VWA8: variants seen among roughly 807,000 people sequenced by gnomAD.
VWA8 encodes the protein von Willebrand factor A domain containing 8.
VWA8 carries 221 observed loss-of-function variants against 241.5 expected under a neutral mutation model. That is an observed-to-expected ratio of 0.91 (90% CI 0.82 to 1.02). The LOEUF (loss-of-function observed/expected upper bound fraction) is 1.02. Among genes scored for constraint, VWA8 ranks in the 50% least tolerant of loss-of-function variants. VWA8 has a pLI of 0.00. For synonymous variants in VWA8, 852 were observed against 827.1 expected (o/e 1.03, Z -0.52); for missense variants, 2,322 against 2,328.7 (o/e 1.00, Z 0.06).
intron 3 of VWA8, among the ~76,000 whole-genome samples, chr13:41,909,221 G>C (rs1875877543): frequency 1.3e-5 from 2 of 152,204 alleles, no homozygotes; most frequent in Admixed American, 1.3e-4. Context: ...ACCATGCCTG[G>C]CTAATGTTTG....
intron 37 of VWA8, among the ~76,000 whole-genome samples, chr13:41,662,283 C>T (rs1325660941): frequency 1.3e-5 from 2 of 152,108 alleles, no homozygotes; most frequent in East Asian, 1.9e-4. Flanking sequence ...CAGTATATCT[C>T]TCCATTTATT....
At chr13:41,880,276 T>TG (rs1452386769) in intron 9 of VWA8, among the ~76,000 whole-genome samples, 2 of 152,154 alleles carry the variant, frequency 1.3e-5, no homozygotes, top group African/African-American at 4.8e-5. Context: ...TTTTAGCACA[T>TG]TTCCCCCTCC....
intron 21 of VWA8, among the ~76,000 whole-genome samples, chr13:41,739,860 T>G (rs1469201086): frequency 9.2e-6 from 1 of 109,048 alleles, no homozygotes; most frequent in Admixed American, 9.6e-5. Flanking sequence ...TTTTTTTGTT[T>G]TTTTTTTTTT....
chr13:41,816,721 G>A lies in VWA8; in HGVS notation c.1924C>T (p.Leu642Phe), dbSNP rs759229890. The A allele has an allele frequency of 1.9e-6, 3 of 1,613,708 alleles. No individual in the cohort carries two copies. The highest frequency in any genetic ancestry group is 2.5e-6 in the Non-Finnish European group (3 of 1,179,796). The change falls in exon 16 of 45, where the codon CTC (leucine) becomes TTC (phenylalanine). Residue 642 changes from leucine (L) to phenylalanine (F), a missense_variant. By Grantham distance (22) the Leu-to-Phe change is conservative. Coordinates refer to ENST00000379310, the MANE Select transcript of VWA8 (RefSeq NM_015058.2). ...LDKLLSFTHK[L>F]RETQDPTAQS... ...ACCGTTGGATCCTGTGTTTCTCTGAGTTTGTGTGTAAATGATAATAACTTA... is the reference window on the plus strand; with the variant it reads ...ACCGTTGGATCCTGTGTTTCTCTGAATTTGTGTGTAAATGATAATAACTTA...
intron 37 of VWA8, among the ~76,000 whole-genome samples, chr13:41,616,552 G>A (rs556770582): frequency 3.3e-5 from 5 of 151,464 alleles, no homozygotes; most frequent in African/African-American, 9.7e-5. Context: ...TTTTCAACTC[G>A]TTTATAAATA....
At chr13:41,922,717 A>G (rs1194488837) in intron 2 of VWA8, among the ~76,000 whole-genome samples, 4 of 152,216 alleles carry the variant, frequency 2.6e-5, no homozygotes, top group East Asian at 1.9e-4. Flanking sequence ...GAGAAATGCA[A>G]AGCAAAACCA....
At chr13:41,648,535 T>C (rs2044847795) in intron 37 of VWA8, among the ~76,000 whole-genome samples, 1 of 152,222 alleles carries the variant, frequency 6.6e-6, no homozygotes, top group African/African-American at 2.4e-5. Context: ...AACTGTGAAC[T>C]TTCCCGAATG....
chr13:41,811,931 A>G (rs1454584203), intron 16 of VWA8, among the ~76,000 whole-genome samples: 1 of 152,170 alleles, frequency 6.6e-6, no homozygotes, highest in Non-Finnish European at 1.5e-5. Flanking sequence ...AACTCAGGAC[A>G]TGGTCAGTAC....
chr13:41,755,040 T>C (rs1041753565), intron 21 of VWA8, among the ~76,000 whole-genome samples: 3 of 152,120 alleles, frequency 2.0e-5, no homozygotes, highest in Admixed American at 6.6e-5. Context: ...CTTCCAAATC[T>C]TGGCTATTGT....
intron 1 of VWA8, 133 bp from the exon 2 acceptor site, chr13:41,950,146 G>T: frequency 2.1e-6 from 1 of 479,932 alleles, no homozygotes; most frequent in Non-Finnish European, 3.7e-6. Flanking sequence ...TATAAGTCAA[G>T]CACTATGCTC....
intron 37 of VWA8, among the ~76,000 whole-genome samples, chr13:41,661,106 C>T (rs947649829): frequency 9.2e-5 from 14 of 152,070 alleles, no homozygotes; most frequent in Non-Finnish European, 1.3e-4. Context: ...TCTTGTGATC[C>T]GCCCACCTCA....
chr13:41,638,342 T>A (rs2139679567), intron 37 of VWA8, among the ~76,000 whole-genome samples: 1 of 152,346 alleles, frequency 6.6e-6, no homozygotes. Flanking sequence ...ACCATATCTA[T>A]GACTGTTTTA....
At chr13:41,862,248 A>G (rs993939340) in intron 12 of VWA8, among the ~76,000 whole-genome samples, 1 of 152,238 alleles carries the variant, frequency 6.6e-6, no homozygotes, top group African/African-American at 2.4e-5. Context: ...AGCCATAGGC[A>G]CAGGATTGAA....
rs377671302 is a variant in VWA8, at chr13:41,720,528, CTTTA to C, written c.2965-790_2965-787del. Among the ~76,000 whole-genome samples the C allele has an allele frequency of 1.6e-3, 249 of 152,172 alleles. 1 individual carries two copies. The highest frequency in any genetic ancestry group is 5.6e-3 in the African/African-American group (233 of 41,518). On this transcript the variant is annotated intron_variant, in intron 25 of 44. Coordinates refer to ENST00000379310, the MANE Select transcript of VWA8 (RefSeq NM_015058.2). ...TTAATATATCTATCATTTAACACAC[CTTTA>C]TTTATGGTACAACCATTACTTAAAA...
chr13:41,764,046 G>A (rs115411947), intron 20 of VWA8, among the ~76,000 whole-genome samples: 12 of 152,128 alleles, frequency 7.9e-5, no homozygotes, highest in Admixed American at 3.3e-4. Context: ...AGCTTCATTC[G>A]ATATCCCCTA....
intron 21 of VWA8, among the ~76,000 whole-genome samples, chr13:41,759,012 T>G (rs772439760): frequency 1.3e-5 from 2 of 151,588 alleles, no homozygotes; most frequent in Non-Finnish European, 3.0e-5. Context: ...TAAAACCTCC[T>G]TGGTTATGAC....
intron 4 of VWA8, among the ~76,000 whole-genome samples, chr13:41,892,138 T>C (rs963708237): frequency 2.6e-5 from 4 of 151,730 alleles, no homozygotes; most frequent in African/African-American, 7.2e-5. Flanking sequence ...CATTGGCCAA[T>C]AGCAGACTGA....
chr13:41,915,130 A>T (rs958148342), intron 2 of VWA8, among the ~76,000 whole-genome samples: 1 of 152,226 alleles, frequency 6.6e-6, no homozygotes, highest in Non-Finnish European at 1.5e-5. Flanking sequence ...TTATAGCCAT[A>T]ATAGAGACAT....
At chr13:41,716,183 T>C (rs1429545175) in intron 26 of VWA8, among the ~76,000 whole-genome samples, 2 of 151,904 alleles carry the variant, frequency 1.3e-5, no homozygotes, top group African/African-American at 4.8e-5. Flanking sequence ...GGTCTGGGAA[T>C]ATATTTGCAG....
Sources: allele counts gnomAD v4.1 joint callset (sites outside exome capture counted in the v4.1 genomes callset), GRCh38; gene constraint gnomAD v4.1.1; transcripts MANE v1.5; gene names NCBI Gene and HGNC (gene_info 2026-07-23, HGNC 2026-07-21).